The following FMN2 variants were observed in gnomAD, a reference collection of about 807,000 sequenced individuals.
The protein encoded by FMN2 is formin-2.
Under a neutral mutation model 142.3 loss-of-function variants are expected in FMN2, and 51 were observed. The ratio of observed to expected loss-of-function variants is 0.36; its 90% CI spans 0.29 to 0.45. The LOEUF (loss-of-function observed/expected upper bound fraction) is 0.45, where lower values mean the gene tolerates loss of function less well. Among genes scored for constraint, FMN2 ranks in the 20% least tolerant of loss-of-function variants. The pLI, the probability that FMN2 is intolerant of heterozygous loss-of-function variation, is 1.00. For missense variants in FMN2, 1,936 were observed against 2,122.8 expected (o/e 0.91, Z 1.73); for synonymous variants, 882 against 869.8 (o/e 1.01, Z -0.25).
intron 7 of FMN2, among the ~76,000 whole-genome samples, chr1:240,286,637 T>C (rs1166441230): frequency 6.6e-6 from 1 of 152,156 alleles, no homozygotes; most frequent in Non-Finnish European, 1.5e-5. Flanking sequence ...TTTAAATATG[T>C]TTTTACTATA....
intron 7 of FMN2, among the ~76,000 whole-genome samples, chr1:240,266,472 C>T (rs537859366): frequency 6.6e-6 from 1 of 151,650 alleles, no homozygotes; most frequent in East Asian, 2.0e-4. Flanking sequence ...GTGGTGTTTG[C>T]TTTTCTGTTC....
chr1:240,292,610 G>C (rs1457986037), intron 7 of FMN2, among the ~76,000 whole-genome samples: 1 of 152,146 alleles, frequency 6.6e-6, no homozygotes, highest in Non-Finnish European at 1.5e-5. Flanking sequence ...CATTGAAAAT[G>C]TACCATTGAC....
rs918023063 is a variant in FMN2, at chr1:240,178,075, C to T, written c.1930+7C>T. ...CTCGAGGATGCTGAAACAGGTAACC[C>T]TTTCCTTTGTCTTCAGAGATAACTG... On this transcript the variant is annotated splice_region_variant and intron_variant, in intron 3 of 17. Transcript: ENST00000319653. 6.4e-7 allele frequency: 1 copy of T among 1,574,658 alleles called. No homozygotes were observed. The highest frequency in any genetic ancestry group is 8.6e-7 in the Non-Finnish European group (1 of 1,165,936).
rs1239513031 is a variant in FMN2, at chr1:240,208,575, C to G, written c.3763C>G (p.Pro1255Ala). The G allele has an allele frequency of 6.2e-7, 1 of 1,613,734 alleles. No homozygotes were observed. The highest frequency in any genetic ancestry group is 8.5e-7 in the Non-Finnish European group (1 of 1,179,998). Residue 1255 changes from proline to alanine, a missense_variant, in exon 5 of 18, where the codon CCA (proline) becomes GCA (alanine). Pro to Ala is a conservative substitution (Grantham distance 27). Around this residue, in one of 8 missense-constraint regions of FMN2, gnomAD observed 259 missense variants for 230.9 expected, o/e 1.12. Coordinates refer to ENST00000319653, the MANE Select transcript of FMN2 (RefSeq NM_020066.5). ...CCCACAAGTTGGGAGTAGCACTTTA[C>G]CAACCCCACAGGTGTGTGGATTTCT... ...LLPQVGSSTL[P>A]TPQVCGFLPP...
In FMN2 at chr1:240,294,902, T is replaced by G. The variant is rs1340489700; in HGVS notation, c.4215+19T>G. ...TGAGAATGTGAGTAATAGAAGGAAT[T>G]TTATGTGTGAGTATATAATATGTAC... On this transcript the variant is annotated intron_variant, in intron 8 of 17. Coordinates refer to ENST00000319653, the MANE Select transcript of FMN2 (RefSeq NM_020066.5). 1.9e-6 allele frequency: 3 copies of G among 1,605,142 alleles called. No homozygotes were observed. Among genetic ancestry groups the G allele is most frequent in the Non-Finnish European group, 2.6e-6 (3 of 1,172,306 alleles).
rs1676916732 is a variant in FMN2, at chr1:240,474,686, T to G, written c.*532T>G. 1 of 151,894 alleles carries G rather than the reference T, an allele frequency of 6.6e-6. No individual in the cohort carries two copies. The highest frequency in any genetic ancestry group is 2.4e-5 in the African/African-American group (1 of 41,388). 9.4% of individuals were successfully genotyped at this position (151,894 alleles called of 1,614,324 possible). On this transcript the variant is annotated 3_prime_UTR_variant, in exon 18 of 18. Coordinates refer to ENST00000319653, the MANE Select transcript of FMN2 (RefSeq NM_020066.5). Reference sequence around the variant, plus strand: ...TTCCCAACTCTTGGGTTGCTCTCCATAACTATGTATTTGTGAAAGAAAATG... The same window carrying G: ...TTCCCAACTCTTGGGTTGCTCTCCAGAACTATGTATTTGTGAAAGAAAATG...
intron 1 of FMN2, among the ~76,000 whole-genome samples, chr1:240,095,867 G>T (rs145153972): frequency 6.6e-6 from 1 of 152,086 alleles, no homozygotes; most frequent in Non-Finnish European, 1.5e-5. Context: ...ACCTCTCCAG[G>T]TGATTTGTTT....
chr1:240,407,800 A>G (rs59452467), intron 15 of FMN2, among the ~76,000 whole-genome samples: 17 of 152,312 alleles, frequency 1.1e-4, no homozygotes, highest in African/African-American at 4.1e-4. Flanking sequence ...GACCAAGGTC[A>G]CACTCCCATT....
intron 2 of FMN2, among the ~76,000 whole-genome samples, chr1:240,148,231 GAGACCGAGAGAGACAA>G (rs1306672029): frequency 2.7e-4 from 13 of 47,920 alleles, no homozygotes; most frequent in Middle Eastern, 0.014. Context: ...CAGAGAGACA[GAGACCGAGAGAGACAA>G]ACAGAGATAG....
Position 240,199,748 on chromosome 1 carries a change from C to CT in FMN2, c.1987-7050dup, listed in dbSNP as rs201637970. On this transcript the variant is annotated intron_variant, in intron 4 of 17. Transcript: ENST00000319653. The stretch of plus-strand genomic sequence containing the variant: ...AACAGTATTTTAAAGTACAAATAAT[C>CT]TCAAAATTGGTAATCTATAAAGCAT... Among the ~76,000 whole-genome samples, 1,273 of 152,196 alleles carry CT rather than the reference C, an allele frequency of 8.4e-3. 15 individuals carry two copies. Among genetic ancestry groups the CT allele is most frequent in the African/African-American group, 0.029 (1,212 of 41,518 alleles).
At chr1:240,110,428 T>A (rs1032032502) in intron 1 of FMN2, among the ~76,000 whole-genome samples, 4 of 152,230 alleles carry the variant, frequency 2.6e-5, no homozygotes, top group African/African-American at 7.2e-5. Flanking sequence ...TTACTTTTTA[T>A]AGTGTCAATG....
intron 7 of FMN2, chr1:240,285,380 C>A: frequency 2.3e-6 from 1 of 433,260 alleles, no homozygotes; most frequent in Admixed American, 2.4e-5. Context: ...TGTTAGACAC[C>A]CAAGTGGTGA....
chr1:240,145,530 A>ATTTTTTTTTTTTTTTTTTTTTTT (rs71168902), intron 2 of FMN2: 5 of 84,346 alleles, frequency 5.9e-5, no homozygotes, highest in Non-Finnish European at 8.7e-5. Context: ...TTCTTTTTCT[A>ATTTTTTTTTTTTTTTTTTTTTTT]TTTTTTTTTT....
At chr1:240,293,318 C>A (rs1297196126) in intron 7 of FMN2, among the ~76,000 whole-genome samples, 1 of 152,028 alleles carries the variant, frequency 6.6e-6, no homozygotes, top group African/African-American at 2.4e-5. Flanking sequence ...ACCAAGTTGA[C>A]CCCTTGCATT....
rs748615056 is a variant in FMN2, at chr1:240,355,863, C to T, written c.4813C>T (p.His1605Tyr). The T allele has an allele frequency of 6.3e-7, 1 of 1,576,428 alleles. No homozygotes were observed. Among genetic ancestry groups the T allele is most frequent in the Admixed American group, 1.7e-5 (1 of 58,222 alleles). Reference sequence around the variant, plus strand: ...AGTATACCAGGTCTCCTCAAAAGAGCATATGCAGCCTTTCAAGGAAAACAT... The same window carrying T: ...AGTATACCAGGTCTCCTCAAAAGAGTATATGCAGCCTTTCAAGGAAAACAT... The part of the protein sequence containing the change: ...GKVYQVSSKE[H>Y]MQPFKENMEQ... The change falls in exon 14 of 18, where the codon CAT (histidine) becomes TAT (tyrosine). Residue 1605 changes from histidine (H) to tyrosine (Y), a missense_variant. Physicochemically the swap from His to Tyr is moderately conservative, Grantham distance 83. Transcript: ENST00000319653.
Position 240,092,276 on chromosome 1 carries a change from G to A in FMN2, c.167G>A (p.Gly56Asp). ...GKHGKGGGGG[G>D]GGGESGKKKS... ...CACGGCAAGGGGGGAGGGGGCGGCG[G>A]CGGCGGCGGGGAGTCGGGCAAGAAG... The change falls in exon 1 of 18, where the codon GGC becomes GAC. Residue 56 changes from glycine to aspartate, a missense_variant. By Grantham distance (94) the Gly-to-Asp change is moderately conservative. Coordinates refer to ENST00000319653, the MANE Select transcript of FMN2 (RefSeq NM_020066.5). The A allele has an allele frequency of 1.3e-6, 2 of 1,577,248 alleles. No individual in the cohort carries two copies. Among genetic ancestry groups the A allele is most frequent in the Non-Finnish European group, 1.7e-6 (2 of 1,158,992 alleles).
intron 1 of FMN2, among the ~76,000 whole-genome samples, chr1:240,096,001 C>T (rs1200370042): frequency 1.3e-5 from 2 of 151,988 alleles, no homozygotes; most frequent in Non-Finnish European, 2.9e-5. Flanking sequence ...TAGCAGCTTC[C>T]GTATGTTTAT....
In FMN2 at chr1:240,473,195, G is replaced by A. The variant is rs574866024; in HGVS notation, c.5142+742G>A. On this transcript the variant is annotated intron_variant, in intron 17 of 17. Transcript: ENST00000319653. The surrounding 1 kb of genome is among the most constrained non-coding windows in gnomAD (Gnocchi z 4.3). ...GCTTTGCCCAGGGTGCCCAGACCCC[G>A]TTTATATCCACAGATGGCTCGGCAG... 1.3e-5 allele frequency among the ~76,000 whole-genome samples: 2 copies of A among 152,118 alleles called. No individual in the cohort carries two copies. The highest frequency in any genetic ancestry group is 1.9e-4 in the East Asian group (1 of 5,174).
intron 13 of FMN2, among the ~76,000 whole-genome samples, chr1:240,354,758 G>T (rs1186836272): frequency 6.6e-6 from 1 of 152,106 alleles, no homozygotes; most frequent in Non-Finnish European, 1.5e-5. Context: ...ATAAAAGAAA[G>T]AAAATATATT....
Sources: allele counts gnomAD v4.1 joint callset (sites outside exome capture counted in the v4.1 genomes callset), GRCh38; gene constraint gnomAD v4.1.1; regional missense constraint gnomAD v4.1.1; non-coding constraint Gnocchi (gnomAD v3.1); transcripts MANE v1.5; gene names NCBI Gene and HGNC (gene_info 2026-07-23, HGNC 2026-07-21).